The following CCDC169 variants were observed in gnomAD, a reference collection of about 807,000 sequenced individuals.
CCDC169 encodes coiled-coil domain-containing protein 169.
CCDC169 carries 30 observed loss-of-function variants against 36.0 expected under a neutral mutation model. The ratio of observed to expected loss-of-function variants is 0.83; its 90% CI spans 0.62 to 1.13. The LOEUF (loss-of-function observed/expected upper bound fraction) is 1.13. CCDC169 is among the 50% of genes most tolerant of loss of function. CCDC169 has a pLI of 0.00. For synonymous variants in CCDC169, 85 were observed against 81.5 expected, an observed-to-expected ratio of 1.04 and a Z score of -0.23; for missense variants, 245 against 245.9, an observed-to-expected ratio of 1.00 and a Z score of 0.03.
chr13:36,263,309 A>T (rs1304427521), intron 4 of CCDC169, among the ~76,000 whole-genome samples: 1 of 152,220 alleles, frequency 6.6e-6, no homozygotes, highest in African/African-American at 2.4e-5. Flanking sequence ...ATTCTTGCAA[A>T]TTAAAGGGAA....
chr13:36,238,802 T>C (rs766216624), intron 7 of CCDC169, among the ~76,000 whole-genome samples: 4 of 152,178 alleles, frequency 2.6e-5, no homozygotes, highest in Non-Finnish European at 5.9e-5. Context: ...TTAATCACTG[T>C]CTTTTAGAGC....
intron 7 of CCDC169, among the ~76,000 whole-genome samples, chr13:36,233,469 T>C (rs913398909): frequency 6.6e-6 from 1 of 152,132 alleles, no homozygotes; most frequent in Non-Finnish European, 1.5e-5. Context: ...ATAAACACTT[T>C]CCCTGAGGAA....
At chr13:36,286,530 C>A (rs1194418295) in intron 2 of CCDC169, among the ~76,000 whole-genome samples, 1 of 152,148 alleles carries the variant, frequency 6.6e-6, no homozygotes, top group Non-Finnish European at 1.5e-5. Context: ...GTCTACACAG[C>A]CCCTTAACCA....
chr13:36,249,666 A>C (rs1042299346), intron 6 of CCDC169, among the ~76,000 whole-genome samples: 1 of 152,206 alleles, frequency 6.6e-6, no homozygotes, highest in Non-Finnish European at 1.5e-5. Flanking sequence ...TTTTGGTGGA[A>C]GAGTTGAGCA....
intron 2 of CCDC169, among the ~76,000 whole-genome samples, chr13:36,284,587 T>C (rs1182304193): frequency 6.6e-6 from 1 of 152,216 alleles, no homozygotes; most frequent in Non-Finnish European, 1.5e-5. Context: ...TAAACCCTTT[T>C]AGCTATTAAA....
At chr13:36,284,626 A>T (rs1877951103) in intron 2 of CCDC169, among the ~76,000 whole-genome samples, 1 of 152,248 alleles carries the variant, frequency 6.6e-6, no homozygotes, top group Non-Finnish European at 1.5e-5. Flanking sequence ...TGTCTGGGGA[A>T]AAAGAAGAAT....
Position 36,244,570 on chromosome 13 carries a change from A to G in CCDC169, c.545+4036T>C, listed in dbSNP as rs1278916387. On this transcript the variant is annotated intron_variant, in intron 7 of 7. Coordinates refer to ENST00000239859, the MANE Select transcript of CCDC169 (RefSeq NM_001144981.3). ...TCTGAGAATTCATCCCATGTGCCTT[A>G]TGCCTTTGTTGATTTTGCTTTGTAT... The G allele has an allele frequency of 2.0e-5, 3 of 152,242 alleles. No homozygotes were observed. The East Asian group carries it at 5.8e-4, about 29-fold the overall frequency. The allele number at this position is 152,242 out of a possible 1,614,324, so 9.4% of individuals were successfully genotyped here.
intron 7 of CCDC169, among the ~76,000 whole-genome samples, chr13:36,245,588 C>G (rs1038025305): frequency 1.3e-5 from 2 of 152,284 alleles, no homozygotes; most frequent in East Asian, 3.9e-4. Flanking sequence ...TGAGCCACTG[C>G]ACCAAGCCCT....
At chr13:36,288,702 A>AC (rs1878533707) in intron 2 of CCDC169, among the ~76,000 whole-genome samples, 1 of 152,128 alleles carries the variant, frequency 6.6e-6, no homozygotes, top group Non-Finnish European at 1.5e-5. Context: ...TTGTGTTCTC[A>AC]TTTTTTAAAA....
intron 2 of CCDC169, among the ~76,000 whole-genome samples, 161 bp from the exon 3 acceptor site, chr13:36,283,863 A>G (rs1426378615): frequency 6.6e-6 from 1 of 152,176 alleles, no homozygotes; most frequent in Non-Finnish European, 1.5e-5. Flanking sequence ...TATTTCTGTT[A>G]GTAAGATTTT....
chr13:36,239,406 C>T (rs1371212725), intron 7 of CCDC169, among the ~76,000 whole-genome samples: 1 of 152,110 alleles, frequency 6.6e-6, no homozygotes, highest in Admixed American at 6.5e-5. Context: ...CCATTCTATG[C>T]TCCTGAGTAT....
At chr13:36,258,700 C>G (rs1242214759) in intron 4 of CCDC169, among the ~76,000 whole-genome samples, 1 of 152,076 alleles carries the variant, frequency 6.6e-6, no homozygotes, top group East Asian at 1.9e-4. Context: ...TAATCCACTC[C>G]TTTAGCATAT....
At chr13:36,247,128 A>G (rs1872598497) in intron 7 of CCDC169, among the ~76,000 whole-genome samples, 1 of 152,204 alleles carries the variant, frequency 6.6e-6, no homozygotes, top group Admixed American at 6.5e-5. Context: ...ACAAGAGTTT[A>G]GAGTTTACAG....
intron 4 of CCDC169, chr13:36,281,208 TGAAGGCA>T (rs1877488755): frequency 2.3e-6 from 1 of 428,582 alleles, no homozygotes; most frequent in East Asian, 7.8e-5. Flanking sequence ...CCTGGATTCC[TGAAGGCA>T]TTATACAGCC....
intron 6 of CCDC169, among the ~76,000 whole-genome samples, chr13:36,251,279 T>A (rs1220298938): frequency 6.6e-6 from 1 of 152,210 alleles, no homozygotes; most frequent in Non-Finnish European, 1.5e-5. Flanking sequence ...TGGGAAGAAC[T>A]GCAAATCATC....
At chr13:36,258,645 C>T (rs1407758569) in intron 4 of CCDC169, among the ~76,000 whole-genome samples, 1 of 152,144 alleles carries the variant, frequency 6.6e-6, no homozygotes, top group Non-Finnish European at 1.5e-5. Context: ...GGAAGGAACC[C>T]TCATTTCCAG....
chr13:36,286,521 T>G (rs571382678), intron 2 of CCDC169, among the ~76,000 whole-genome samples: 1 of 152,124 alleles, frequency 6.6e-6, no homozygotes, highest in East Asian at 1.9e-4. Context: ...GATTTCGGAG[T>G]CTACACAGCC....
intron 6 of CCDC169, among the ~76,000 whole-genome samples, chr13:36,251,125 A>C (rs984573528): frequency 6.6e-5 from 10 of 152,252 alleles, no homozygotes; most frequent in Non-Finnish European, 1.3e-4. Flanking sequence ...AAGACTCCCA[A>C]GAGGGGGAAA....
At chr13:36,234,045 A>G (rs1304813030) in intron 7 of CCDC169, among the ~76,000 whole-genome samples, 1 of 152,180 alleles carries the variant, frequency 6.6e-6, no homozygotes, top group East Asian at 1.9e-4. Flanking sequence ...GGGTGGCTTC[A>G]TCTACATAAA....
Sources: gnomAD v4.1 joint callset for allele counts (sites outside exome capture counted in the v4.1 genomes callset) on GRCh38, gnomAD v4.1.1 for gene constraint, MANE v1.5 for transcripts, NCBI Gene and HGNC (gene_info 2026-07-23, HGNC 2026-07-21) for gene names.